Variants in PMEPA1 observed in about 807,000 individuals in gnomAD.
The protein encoded by PMEPA1 is prostate transmembrane protein, androgen induced 1.
A neutral mutation model predicts 23.0 loss-of-function variants in PMEPA1; 11 were observed. The observed-to-expected ratio is 0.48, with a 90% CI of 0.30 to 0.79. The LOEUF (loss-of-function observed/expected upper bound fraction) is 0.79. Ranked by LOEUF, PMEPA1 falls within the 30% of genes least tolerant of loss-of-function variation. The probability of loss-of-function intolerance (pLI) is 0.06; values close to 1 mark genes in which losing one functional copy is unlikely to be tolerated. For missense variants in PMEPA1, 377 were observed against 390.9 expected (o/e 0.96, Z 0.30); for synonymous variants, 204 against 166.4 (o/e 1.23, Z -1.74).
At position 57,684,303 on chromosome 20, in the gene PMEPA1, G is replaced by C. The variant is rs970446931; in HGVS notation, c.110-24606C>G. ...GGGAGTTAGGGGTCTAGCTGGGAGG[G>C]GGGCAGGGTGACTTCTCTCCACCCC... On this transcript the variant is annotated intron_variant, in intron 1 of 3. Coordinates refer to ENST00000341744, the MANE Select transcript of PMEPA1 (RefSeq NM_020182.5). Among the ~76,000 whole-genome samples, 6 of 152,300 alleles carry C rather than the reference G, an allele frequency of 3.9e-5. No homozygotes were observed. The South Asian group carries it at 6.2e-4, about 16-fold the overall frequency.
intron 1 of PMEPA1, among the ~76,000 whole-genome samples, chr20:57,673,480 C>T (rs944205724): frequency 5.1e-4 from 78 of 152,322 alleles, no homozygotes; most frequent in African/African-American, 1.8e-3. Flanking sequence ...GCAATCGCCT[C>T]GTCCTGCAGC....
intron 1 of PMEPA1, among the ~76,000 whole-genome samples, chr20:57,689,713 C>T (rs552333863): frequency 6.6e-6 from 1 of 152,356 alleles, no homozygotes; most frequent in South Asian, 2.1e-4. Flanking sequence ...GACCCAGGGG[C>T]CGCCCTGAAT....
At chr20:57,660,766 C>G (rs935627838) in intron 1 of PMEPA1, among the ~76,000 whole-genome samples, 30 of 151,174 alleles carry the variant, frequency 2.0e-4, no homozygotes, top group African/African-American at 7.3e-4. Context: ...CACTCCTCCA[C>G]ACACAACACC....
At chr20:57,670,978 C>T (rs2071560475) in intron 1 of PMEPA1, among the ~76,000 whole-genome samples, 2 of 152,100 alleles carry the variant, frequency 1.3e-5, no homozygotes, top group Non-Finnish European at 2.9e-5. Context: ...TGCAGCGCGG[C>T]CGTGGGTGAG....
chr20:57,709,700 C>G lies in PMEPA1; in HGVS notation c.-118G>C. ...GGAGGCGCGCGGCGGGGGAGGCGCG[C>G]CCCGGCTCGCCGGGCTCGGGTCGCC... On this transcript the variant is annotated 5_prime_UTR_variant, in exon 1 of 4. Transcript: ENST00000341744. The G allele has an allele frequency of 1.0e-6, 1 of 977,914 alleles. No individual in the cohort carries two copies. The highest frequency in any genetic ancestry group is 1.2e-6 in the Non-Finnish European group (1 of 826,826). 60.6% of individuals were successfully genotyped at this position (977,914 alleles called of 1,614,324 possible). A position where few individuals can be genotyped will look rare whatever the true frequency, so the allele number is the denominator to read the frequency against.
intron 1 of PMEPA1, among the ~76,000 whole-genome samples, chr20:57,701,255 A>G (rs1357476858): frequency 6.6e-6 from 1 of 152,174 alleles, no homozygotes; most frequent in East Asian, 1.9e-4. Flanking sequence ...GTTGAGTCAC[A>G]ATAGCTGCTT....
rs554831992 is a variant in PMEPA1 at position 57,685,422 on chromosome 20, C to T, written c.109+24052G>A. Among the ~76,000 whole-genome samples the T allele has an allele frequency of 5.4e-4, 82 of 152,344 alleles. 1 individual carries two copies. The highest frequency in any genetic ancestry group is 1.6e-3 in the African/African-American group (65 of 41,574). ...CTCCCCTCACGCAGACCAAATATTC[C>T]GCTGGCGTGCTGTCTAGACACAGAT... On this transcript the variant is annotated intron_variant, in intron 1 of 3. Transcript: ENST00000341744.
Position 57,656,350 on chromosome 20 carries a change from C to T in PMEPA1, c.264+3193G>A, listed in dbSNP as rs2071326844. Among the ~76,000 whole-genome samples the T allele has an allele frequency of 6.6e-6, 1 of 151,626 alleles. No individual in the cohort carries two copies. Among genetic ancestry groups the T allele is most frequent in the African/African-American group, 2.4e-5 (1 of 41,342 alleles). On this transcript the variant is annotated intron_variant, in intron 2 of 3. Transcript: ENST00000341744. This position sits in a 1 kb window ranked among gnomAD's most constrained non-coding sequence, Gnocchi z 4.7. ...TGTCCCTGCCCCTGGGAAATGGGCC[C>T]TTGGTGGGCTGGGTTCTCTCGGGAG...
chr20:57,696,385 C>G (rs867990278), intron 1 of PMEPA1, among the ~76,000 whole-genome samples: 1 of 152,212 alleles, frequency 6.6e-6, no homozygotes, highest in Admixed American at 6.5e-5. Flanking sequence ...GGCAAAGGGT[C>G]CCGCTTCTCT....
intron 1 of PMEPA1, among the ~76,000 whole-genome samples, chr20:57,680,750 G>T (rs994463277): frequency 1.3e-5 from 2 of 152,238 alleles, no homozygotes; most frequent in African/African-American, 4.8e-5. Context: ...AAGGGCAGTT[G>T]TTCATTTCAC....
At position 57,656,844 on chromosome 20, in the gene PMEPA1, GCTGGGGGGATGTAGA is replaced by G. The variant is rs1486068016; in HGVS notation, c.264+2684_264+2698del. ...CATGCCAGGGGCAGAGCATGGATGG[GCTGGGGGGATGTAGA>G]CTGGGCCCGGGACAGATAAGAGCTG... On this transcript the variant is annotated intron_variant, in intron 2 of 3. Transcript: ENST00000341744. This position sits in a 1 kb window ranked among gnomAD's most constrained non-coding sequence, Gnocchi z 4.7. Among the ~76,000 whole-genome samples, 3 of 152,248 alleles carry G rather than the reference GCTGGGGGGATGTAGA, an allele frequency of 2.0e-5. No homozygotes were observed. The highest frequency in any genetic ancestry group is 4.4e-5 in the Non-Finnish European group (3 of 68,040).
chr20:57,709,575 C>T lies in PMEPA1; in HGVS notation c.8G>A (p.Arg3His). 9.6e-7 allele frequency: 1 copy of T among 1,039,538 alleles called. No individual in the cohort carries two copies. Among genetic ancestry groups the T allele is most frequent in the Non-Finnish European group, 1.2e-6 (1 of 855,966 alleles). 64.4% of individuals were successfully genotyped at this position (1,039,538 alleles called of 1,614,324 possible). ...GGCGGTGCTGTTGACCCCCATCAAG[C>T]GGTGCATGGACGGCGCGGCGGCGCG... is the stretch of plus-strand genomic sequence containing the variant. The part of the protein sequence containing the change: MH[R>H]LMGVNSTAAA... Residue 3 changes from arginine to histidine, a missense_variant, in exon 1 of 4, where the codon CGC becomes CAC. By Grantham distance (29) the Arg-to-His change is conservative (BLOSUM62 0). This residue lies in a region of PMEPA1 where 198 missense variants were observed against 196.3 expected (regional missense o/e 1.01). Transcript: ENST00000341744.
rs1268226596 is a variant in PMEPA1, at chr20:57,683,618, C to G, written c.110-23921G>C. On this transcript the variant is annotated intron_variant, in intron 1 of 3. Coordinates refer to ENST00000341744, the MANE Select transcript of PMEPA1 (RefSeq NM_020182.5). This position sits in a 1 kb window ranked among gnomAD's most constrained non-coding sequence, Gnocchi z 4.3. ...AAAGTCTCTTCCCCTGAAAATACTTCATGTTGATATTTCTTCTTAAAGATG... is the reference window on the plus strand; with the variant it reads ...AAAGTCTCTTCCCCTGAAAATACTTGATGTTGATATTTCTTCTTAAAGATG... Among the ~76,000 whole-genome samples the G allele has an allele frequency of 6.6e-6, 1 of 151,162 alleles. No homozygotes were observed. The highest frequency in any genetic ancestry group is 2.4e-5 in the African/African-American group (1 of 40,934).
At chr20:57,671,675 G>A (rs1193995719) in intron 1 of PMEPA1, among the ~76,000 whole-genome samples, 3 of 152,156 alleles carry the variant, frequency 2.0e-5, no homozygotes, top group Non-Finnish European at 4.4e-5. Context: ...TATGGGATGA[G>A]GCCATTAAAA....
chr20:57,661,590 G>C (rs998010152), intron 1 of PMEPA1, among the ~76,000 whole-genome samples: 1 of 152,196 alleles, frequency 6.6e-6, no homozygotes, highest in Non-Finnish European at 1.5e-5. Context: ...CAGGACCGAG[G>C]AACCAAAGCC....
At chr20:57,672,581 C>T (rs1473648737) in intron 1 of PMEPA1, among the ~76,000 whole-genome samples, 1 of 152,236 alleles carries the variant, frequency 6.6e-6, no homozygotes, top group African/African-American at 2.4e-5. Context: ...CTGGAGGGGT[C>T]TCGCCGCTAA....
intron 1 of PMEPA1, chr20:57,690,341 T>A: frequency 7.6e-5 from 65 of 851,458 alleles, no homozygotes; most frequent in Non-Finnish European, 9.9e-5. Flanking sequence ...CCGCCCTGCA[T>A]CAGCGCTACA....
rs1336715764 is a variant in PMEPA1, at chr20:57,689,047, T to A, written c.109+20427A>T. Among the ~76,000 whole-genome samples the A allele has an allele frequency of 2.0e-5, 3 of 152,348 alleles. 1 individual carries two copies. The highest frequency in any genetic ancestry group is 1.5e-5 in the Non-Finnish European group (1 of 68,034). ...AGGCTGTGGGGTTTTATTTAGACGG[T>A]GTCAGCTAAACAGCTCTGGGCGCAT... On this transcript the variant is annotated intron_variant, in intron 1 of 3. Transcript: ENST00000341744.
intron 1 of PMEPA1, among the ~76,000 whole-genome samples, chr20:57,672,106 T>C (rs2071576704): frequency 6.6e-6 from 1 of 152,282 alleles, no homozygotes; most frequent in Non-Finnish European, 1.5e-5. Flanking sequence ...TCCCTTTTAC[T>C]TTTTTGTATT....
Sources: gnomAD v4.1 joint callset for allele counts (sites outside exome capture counted in the v4.1 genomes callset) on GRCh38, gnomAD v4.1.1 for gene constraint, gnomAD v4.1.1 regional missense constraint, Gnocchi (gnomAD v3.1) non-coding constraint, MANE v1.5 for transcripts, NCBI Gene and HGNC (gene_info 2026-07-23, HGNC 2026-07-21) for gene names.